The following PDZRN3 variants were observed in gnomAD, a reference collection of about 807,000 sequenced individuals.
PDZRN3 encodes the protein E3 ubiquitin-protein ligase PDZRN3.
A neutral mutation model predicts 85.7 loss-of-function variants in PDZRN3; 38 were observed. That is an observed-to-expected ratio of 0.44 (90% CI 0.34 to 0.58). PDZRN3 has a LOEUF of 0.58. PDZRN3 is among the 20% of genes least tolerant of loss of function. PDZRN3 has a pLI of 0.01. For missense variants in PDZRN3, 1,629 were observed against 1,506.4 expected (o/e 1.08, Z -1.35); for synonymous variants, 759 against 638.0 (o/e 1.19, Z -2.86).
chr3:73,490,951 C>T (rs1703758832), intron 3 of PDZRN3, among the ~76,000 whole-genome samples: 1 of 152,216 alleles, frequency 6.6e-6, no homozygotes, highest in Non-Finnish European at 1.5e-5. Context: ...TTTCCTGCCC[C>T]TCTCATGTTG....
intron 3 of PDZRN3, among the ~76,000 whole-genome samples, chr3:73,456,915 G>T (rs1239155234): frequency 2.0e-5 from 3 of 150,906 alleles, no homozygotes; most frequent in Non-Finnish European, 4.4e-5. Flanking sequence ...TGAGAGGATG[G>T]TCTCTCCAGA....
At chr3:73,443,473 C>CTTTTCCTTT (rs1559682481) in intron 3 of PDZRN3, among the ~76,000 whole-genome samples, 2 of 38,888 alleles carry the variant, frequency 5.1e-5, no homozygotes, top group African/African-American at 1.5e-4. Flanking sequence ...ATTTATTTTC[C>CTTTTCCTTT]TTTTTCTTTT....
At chr3:73,504,523 A>G (rs767739927) in intron 3 of PDZRN3, among the ~76,000 whole-genome samples, 8 of 152,172 alleles carry the variant, frequency 5.3e-5, no homozygotes, top group Non-Finnish European at 8.8e-5. Flanking sequence ...CAGCCACACC[A>G]GTGGACTCAA....
chr3:73,408,266 A>G (rs1031428136), intron 3 of PDZRN3: 8 of 701,890 alleles, frequency 1.1e-5, no homozygotes, highest in Non-Finnish European at 1.8e-5. Context: ...CTCATCTGCA[A>G]AATAAATATA....
At chr3:73,385,218 T>G (rs1330259301) in intron 9 of PDZRN3, among the ~76,000 whole-genome samples, 1 of 151,292 alleles carries the variant, frequency 6.6e-6, no homozygotes, top group Non-Finnish European at 1.5e-5. Flanking sequence ...AATGAATCAG[T>G]ACACAGGTAG....
chr3:73,390,431 A>T (rs909558147), intron 6 of PDZRN3, among the ~76,000 whole-genome samples: 4 of 152,190 alleles, frequency 2.6e-5, no homozygotes, highest in African/African-American at 9.7e-5. Context: ...TGTAGCGACA[A>T]ATTTTATTTC....
rs188903548 is a variant in PDZRN3 at position 73,502,502 on chromosome 3, T to C, written c.919-98107A>G. Among the ~76,000 whole-genome samples the C allele has an allele frequency of 3.7e-4, 57 of 152,348 alleles. 2 individuals carry two copies. Among genetic ancestry groups the C allele is most frequent in the Non-Finnish European group, 2.6e-4 (18 of 68,040 alleles). On this transcript the variant is annotated intron_variant, in intron 3 of 9. Coordinates refer to ENST00000263666, the MANE Select transcript of PDZRN3 (RefSeq NM_015009.3). ...CTAAAATTATCTTCTCCAATATCCATTGATTCTATTTAACATTTATCTTTC... is the reference window on the plus strand; with the variant it reads ...CTAAAATTATCTTCTCCAATATCCACTGATTCTATTTAACATTTATCTTTC...
At chr3:73,516,908 G>A (rs1005491650) in intron 3 of PDZRN3, among the ~76,000 whole-genome samples, 14 of 152,102 alleles carry the variant, frequency 9.2e-5, no homozygotes, top group East Asian at 3.9e-4. Context: ...GGAGCCTTTC[G>A]GGTCAAAGCA....
At chr3:73,447,404 C>T (rs989016386) in intron 3 of PDZRN3, among the ~76,000 whole-genome samples, 1 of 152,084 alleles carries the variant, frequency 6.6e-6, no homozygotes, top group Non-Finnish European at 1.5e-5. Flanking sequence ...CTGAAGGCTC[C>T]CAAATCTGCC....
chr3:73,569,251 AGAG>A (rs1702005507), intron 3 of PDZRN3: 2 of 1,282,274 alleles, frequency 1.6e-6, no homozygotes, highest in Non-Finnish European at 2.0e-6. Flanking sequence ...AAGATGAACA[AGAG>A]GAGCCCGAAG....
intron 3 of PDZRN3, among the ~76,000 whole-genome samples, chr3:73,481,573 G>A (rs1325238074): frequency 6.6e-6 from 1 of 151,958 alleles, no homozygotes; most frequent in Admixed American, 6.6e-5. Context: ...CAGGTGATCT[G>A]CCCACCTCAG....
chr3:73,605,834 A>T (rs906358626), intron 2 of PDZRN3, among the ~76,000 whole-genome samples: 1 of 152,262 alleles, frequency 6.6e-6, no homozygotes, highest in African/African-American at 2.4e-5. Context: ...TCTGGGGACC[A>T]TGCAGGCAGT....
intron 3 of PDZRN3, among the ~76,000 whole-genome samples, chr3:73,458,995 C>CAAAAAAAAA (rs35284667): frequency 3.2e-5 from 4 of 124,140 alleles, no homozygotes; most frequent in East Asian, 2.2e-4. Flanking sequence ...CCATCTCAAA[C>CAAAAAAAAA]AAAAAAAAAA....
At chr3:73,520,419 G>A (rs962291108) in intron 3 of PDZRN3, among the ~76,000 whole-genome samples, 3 of 152,106 alleles carry the variant, frequency 2.0e-5, no homozygotes, top group South Asian at 2.1e-4. Flanking sequence ...CAGGAGGAAC[G>A]CTTGAGCCCG....
At chr3:73,523,967 G>A (rs1391315094) in intron 3 of PDZRN3, among the ~76,000 whole-genome samples, 3 of 152,186 alleles carry the variant, frequency 2.0e-5, no homozygotes, top group Non-Finnish European at 4.4e-5. Flanking sequence ...GAGCCTGGGA[G>A]TCAATTTATT....
chr3:73,623,964 T>C (rs1437330067), intron 1 of PDZRN3, 139 bp downstream of exon 1: 4 of 827,112 alleles, frequency 4.8e-6, no homozygotes, highest in Non-Finnish European at 6.9e-6. Flanking sequence ...GTGATACAGC[T>C]GGTAAGCAGT....
At chr3:73,447,378 G>C (rs890847140) in intron 3 of PDZRN3, among the ~76,000 whole-genome samples, 1 of 152,038 alleles carries the variant, frequency 6.6e-6, no homozygotes, top group Non-Finnish European at 1.5e-5. Context: ...GGCCGACAGA[G>C]GTTTCTCAAG....
chr3:73,506,038 G>C (rs1704064781), intron 3 of PDZRN3, among the ~76,000 whole-genome samples: 1 of 151,764 alleles, frequency 6.6e-6, no homozygotes, highest in African/African-American at 2.4e-5. Context: ...AGAGCAGGTA[G>C]AAAAAAAATA....
At chr3:73,438,393 G>C (rs1480643594) in intron 3 of PDZRN3, among the ~76,000 whole-genome samples, 1 of 152,188 alleles carries the variant, frequency 6.6e-6, no homozygotes, top group Non-Finnish European at 1.5e-5. Context: ...ATACTGATTG[G>C]ATTGTCTATT....
Sources: gnomAD v4.1 joint callset for allele counts (sites outside exome capture counted in the v4.1 genomes callset) on GRCh38, gnomAD v4.1.1 for gene constraint, MANE v1.5 for transcripts, NCBI Gene and HGNC (gene_info 2026-07-23, HGNC 2026-07-21) for gene names.